The following CHCHD3 variants were observed in gnomAD, a reference collection of about 807,000 sequenced individuals.
The protein encoded by CHCHD3 is coiled-coil-helix-coiled-coil-helix domain containing 3, also known as MICOS complex subunit MIC19.
Under a neutral mutation model 38.2 loss-of-function variants are expected in CHCHD3, and 20 were observed. The observed-to-expected ratio is 0.52, with a 90% CI of 0.37 to 0.76. CHCHD3 has a LOEUF of 0.76. CHCHD3 is among the 30% of genes least tolerant of loss of function. CHCHD3 has a pLI of 0.00. For missense variants in CHCHD3, 245 were observed against 279.2 expected (o/e 0.88, Z 0.87); for synonymous variants, 82 against 100.0 (o/e 0.82, Z 1.07).
At chr7:133,074,345 T>C (rs1435371221) in intron 1 of CHCHD3, among the ~76,000 whole-genome samples, 1 of 152,160 alleles carries the variant, frequency 6.6e-6, no homozygotes, top group Non-Finnish European at 1.5e-5. Flanking sequence ...TGTGTGCTCT[T>C]TGAAGGAAAA....
At chr7:132,851,592 A>G (rs1808220599) in intron 5 of CHCHD3, among the ~76,000 whole-genome samples, 1 of 152,170 alleles carries the variant, frequency 6.6e-6, no homozygotes, top group Non-Finnish European at 1.5e-5. Flanking sequence ...TTTATTCTAC[A>G]AGGGTGAGAC....
chr7:132,862,520 C>G (rs933095599), intron 5 of CHCHD3, among the ~76,000 whole-genome samples: 1 of 152,186 alleles, frequency 6.6e-6, no homozygotes, highest in Non-Finnish European at 1.5e-5. Flanking sequence ...GCAAGTCACA[C>G]TGGTGGAGGG....
chr7:133,057,537 G>C (rs768520705), intron 2 of CHCHD3, among the ~76,000 whole-genome samples: 22 of 152,056 alleles, frequency 1.4e-4, no homozygotes, highest in Admixed American at 3.3e-4. Flanking sequence ...ACTCCAGCTA[G>C]GGTGATACAG....
At chr7:132,853,122 G>A (rs958146631) in intron 5 of CHCHD3, among the ~76,000 whole-genome samples, 4 of 152,076 alleles carry the variant, frequency 2.6e-5, no homozygotes, top group African/African-American at 9.7e-5. Context: ...CCACAAACAA[G>A]CTCAGTATCC....
At chr7:132,786,563 A>G (rs2117014367) in intron 7 of CHCHD3, among the ~76,000 whole-genome samples, 1 of 152,262 alleles carries the variant, frequency 6.6e-6, no homozygotes, top group East Asian at 1.9e-4. Context: ...GGTCTTTAAG[A>G]AGAAAAAAGT....
intron 2 of CHCHD3, among the ~76,000 whole-genome samples, chr7:133,049,599 A>G (rs1364990103): frequency 6.6e-6 from 1 of 152,222 alleles, no homozygotes; most frequent in Non-Finnish European, 1.5e-5. Flanking sequence ...TGTATTCCTC[A>G]TAATTTATAC....
At chr7:133,019,022 T>TACA (rs1813105120) in intron 3 of CHCHD3, among the ~76,000 whole-genome samples, 1 of 151,910 alleles carries the variant, frequency 6.6e-6, no homozygotes, top group Non-Finnish European at 1.5e-5. Context: ...TAGCTGGGAT[T>TACA]ACAGGCTTGT....
intron 4 of CHCHD3, among the ~76,000 whole-genome samples, chr7:132,938,727 T>C (rs1169570654): frequency 6.6e-6 from 1 of 152,134 alleles, no homozygotes; most frequent in African/African-American, 2.4e-5. Flanking sequence ...ACCTGCAGTG[T>C]GTCCCCGACA....
At chr7:132,807,751 G>A (rs936673712) in intron 6 of CHCHD3, among the ~76,000 whole-genome samples, 1 of 150,870 alleles carries the variant, frequency 6.6e-6, no homozygotes, top group African/African-American at 2.4e-5. Flanking sequence ...TTCCAAGCAG[G>A]GGAGTTGGAT....
chr7:132,929,849 A>G, intron 4 of CHCHD3, among the ~76,000 whole-genome samples: 1 of 152,160 alleles, frequency 6.6e-6, no homozygotes, highest in East Asian at 1.9e-4. Flanking sequence ...GTCTTTCCTC[A>G]GCTTAACATA....
At chr7:132,979,376 T>C (rs978386443) in intron 3 of CHCHD3, among the ~76,000 whole-genome samples, 1 of 152,156 alleles carries the variant, frequency 6.6e-6, no homozygotes, top group African/African-American at 2.4e-5. Context: ...ATATAATTAC[T>C]AGGTGAAAGG....
At chr7:132,865,888 C>G (rs1808612074) in intron 5 of CHCHD3, among the ~76,000 whole-genome samples, 1 of 152,132 alleles carries the variant, frequency 6.6e-6, no homozygotes, top group African/African-American at 2.4e-5. Context: ...GTGCCTGGGT[C>G]GTGACTGCCC....
intron 5 of CHCHD3, among the ~76,000 whole-genome samples, chr7:132,852,593 C>A (rs1808245120): frequency 6.6e-6 from 1 of 152,158 alleles, no homozygotes. Context: ...TCTTTGGAAT[C>A]CAGGTTGACA....
At chr7:132,955,542 G>T (rs1309836743) in intron 4 of CHCHD3, among the ~76,000 whole-genome samples, 52 of 135,892 alleles carry the variant, frequency 3.8e-4, no homozygotes, top group Admixed American at 2.4e-3. Context: ...GGGGTTTTTT[G>T]TTTTTTTTTT....
intron 5 of CHCHD3, chr7:132,847,518 A>C (rs957471876): frequency 1.3e-5 from 2 of 152,226 alleles, no homozygotes; most frequent in African/African-American, 4.8e-5. Context: ...GTACGGAAGG[A>C]AACGAGAATC....
chr7:132,804,685 G>A (rs774237751), intron 6 of CHCHD3, among the ~76,000 whole-genome samples: 1 of 152,200 alleles, frequency 6.6e-6, no homozygotes, highest in Non-Finnish European at 1.5e-5. Flanking sequence ...TGTGGTGAGA[G>A]AGCGTGTTAC....
chr7:132,834,038 A>C (rs1342273087), intron 6 of CHCHD3, among the ~76,000 whole-genome samples: 1 of 152,194 alleles, frequency 6.6e-6, no homozygotes, highest in Non-Finnish European at 1.5e-5. Flanking sequence ...GTTCCGGTTC[A>C]GGTTCAAGAT....
At chr7:132,941,727 G>A (rs1810769465) in intron 4 of CHCHD3, among the ~76,000 whole-genome samples, 1 of 152,132 alleles carries the variant, frequency 6.6e-6, no homozygotes, top group Non-Finnish European at 1.5e-5. Flanking sequence ...GATGGGGCAG[G>A]AGTGCAGTCA....
chr7:132,878,264 G>T (rs1363024746), intron 5 of CHCHD3, among the ~76,000 whole-genome samples: 1 of 152,140 alleles, frequency 6.6e-6, no homozygotes, highest in Non-Finnish European at 1.5e-5. Context: ...CTGTTCTGTT[G>T]TCATTTCTCA....
Sources: gnomAD v4.1 joint callset for allele counts (sites outside exome capture counted in the v4.1 genomes callset) on GRCh38, gnomAD v4.1.1 for gene constraint, MANE v1.5 for transcripts, NCBI Gene and HGNC (gene_info 2026-07-23, HGNC 2026-07-21) for gene names.